STAG2: variants seen among roughly 807,000 people sequenced by gnomAD.
STAG2 encodes the protein STAG2 cohesin complex component.
In STAG2, 14 loss-of-function variants were observed where a neutral mutation model predicts 108.1. That is an observed-to-expected ratio of 0.13 (90% confidence interval 0.09 to 0.20). The LOEUF is 0.20. Ranked by LOEUF, STAG2 falls within the 10% of genes least tolerant of loss-of-function variation. The probability of loss-of-function intolerance (pLI) is 1.00; values close to 1 mark genes in which losing one functional copy is unlikely to be tolerated. For synonymous variants in STAG2, 307 were observed against 302.7 expected, an observed-to-expected ratio of 1.01 and a Z score of -0.15; for missense variants, 440 against 940.9, an observed-to-expected ratio of 0.47 and a Z score of 6.96.
rs1269446242 is a variant in STAG2 at position 124,081,487 on chromosome X, T to G, written c.2883T>G (p.Leu961=). 2 of 1,195,712 alleles carry G rather than the reference T, an allele frequency of 1.7e-6. No individual in the cohort carries two copies. The highest frequency in any genetic ancestry group is 2.3e-6 in the Non-Finnish European group (2 of 888,103). ...GACGTTTTGCTTTAACTTTTGGACT[T>G]GATCAGTTGAAAACAAGAGAAGCCA... ...LARRFALTFG[L]DQLKTREAIA... Residue 961 remains leucine, a synonymous_variant, in exon 28 of 35, where the codon CTT becomes CTG. Coordinates refer to ENST00000371145, the MANE Select transcript of STAG2 (RefSeq NM_001042750.2).
chrX:124,025,369 C>T (rs968087369), intron 3 of STAG2, among the ~76,000 whole-genome samples: 9 of 111,508 alleles, frequency 8.1e-5, no homozygotes, highest in Middle Eastern at 4.6e-3. Flanking sequence ...TGTATATTGA[C>T]TCACCTAGAT....
At chrX:124,090,809 C>A (rs1041563711) in intron 31 of STAG2, 45 bp downstream of exon 31, 1 of 1,198,601 alleles carries the variant, frequency 8.3e-7, no homozygotes, top group Middle Eastern at 2.3e-4. Context: ...TTATTAATTA[C>A]ATAGAAAAAG....
At chrX:124,009,427 G>GA (rs1569501811) in intron 1 of STAG2, among the ~76,000 whole-genome samples, 7 of 66,699 alleles carry the variant, frequency 1.0e-4, no homozygotes, top group Non-Finnish European at 2.0e-4. Flanking sequence ...AGGTAGGTAG[G>GA]TAGGTAGGTA....
chrX:124,054,425 A>G (rs1326068654), intron 13 of STAG2, among the ~76,000 whole-genome samples: 2 of 112,110 alleles, frequency 1.8e-5, no homozygotes, highest in African/African-American at 6.5e-5. Context: ...GAATTTCTTG[A>G]GCAGTCTGTT....
intron 33 of STAG2, 69 bp from the exon 34 acceptor site, chrX:124,095,303 A>G: frequency 2.3e-6 from 2 of 868,612 alleles, no homozygotes; most frequent in Non-Finnish European, 3.4e-6. Context: ...GAACTTGGAT[A>G]TTTTCAGTTA....
At chrX:124,085,773 CAAAAA>C (rs35882500) in intron 29 of STAG2, among the ~76,000 whole-genome samples, 2 of 42,158 alleles carry the variant, frequency 4.7e-5, no homozygotes, top group Admixed American at 3.2e-4. Flanking sequence ...GACTGTGTCT[CAAAAA>C]AAAAAAAAAA....
At chrX:124,097,719 G>A (rs1210811000) in intron 34 of STAG2, 4 of 335,474 alleles carry the variant, frequency 1.2e-5, no homozygotes, top group African/African-American at 2.6e-5. Flanking sequence ...TCATACCATA[G>A]CAAGCTGAGA....
At chrX:124,043,498 C>T (rs2057785443) in intron 7 of STAG2, among the ~76,000 whole-genome samples, 3 of 111,509 alleles carry the variant, frequency 2.7e-5, no homozygotes, top group Admixed American at 9.5e-5. Context: ...TAGTACTTTA[C>T]TCATAAGGCT....
chrX:123,977,983 C>T (rs893854291), intron 1 of STAG2, among the ~76,000 whole-genome samples: 2 of 106,998 alleles, frequency 1.9e-5, no homozygotes, highest in African/African-American at 6.8e-5. Context: ...ACTGGGACTA[C>T]AGGTGCATGC....
At chrX:123,977,413 T>C (rs1569490737) in intron 1 of STAG2, among the ~76,000 whole-genome samples, 1 of 109,531 alleles carries the variant, frequency 9.1e-6, no homozygotes, top group Non-Finnish European at 1.9e-5. Flanking sequence ...GTGTTTTGGT[T>C]TTCATATTCC....
At chrX:123,980,316 G>A (rs1279731401) in intron 1 of STAG2, among the ~76,000 whole-genome samples, 1 of 110,777 alleles carries the variant, frequency 9.0e-6, no homozygotes, top group Non-Finnish European at 1.9e-5. Flanking sequence ...GAGGGTCAGA[G>A]GTGAAAACAT....
rs2055319934 is a variant in STAG2, at chrX:123,988,935, C to G, written c.-163+27079C>G. On this transcript the variant is annotated intron_variant, in intron 1 of 34. Transcript: ENST00000371145. ...ATTCTCTCTGTGTGTCTCTGTCTAT[C>G]TGTGTGTGTCTTGCCTGTCTCTCCC... Among the ~76,000 whole-genome samples, 5 of 111,393 alleles carry G rather than the reference C, an allele frequency of 4.5e-5. No homozygotes were observed. In the South Asian group the frequency reaches 1.9e-3, roughly 43 times the overall value.
intron 1 of STAG2, among the ~76,000 whole-genome samples, chrX:123,980,794 G>A (rs1263717100): frequency 8.9e-6 from 1 of 112,129 alleles, no homozygotes; most frequent in African/African-American, 3.2e-5. Flanking sequence ...ACTTAAATAT[G>A]CAAATAGTAT....
At chrX:124,016,742 A>G (rs756920888) in intron 1 of STAG2, among the ~76,000 whole-genome samples, 1 of 111,687 alleles carries the variant, frequency 9.0e-6, no homozygotes, top group South Asian at 3.7e-4. Context: ...TGAGGTGGAC[A>G]GATTGCTTGA....
rs1569501980 is a variant in STAG2 at position 124,009,437 on chromosome X, AGGTAGG to A, written c.-162-11929_-162-11924del. Among the ~76,000 whole-genome samples the A allele has an allele frequency of 8.6e-3, 768 of 89,011 alleles. 9 individuals are homozygous for A. Among genetic ancestry groups the A allele is most frequent in the Middle Eastern group, 0.025 (4 of 161 alleles). The allele number at this position is 89,011 out of a possible 115,157, so 77.3% of individuals were successfully genotyped here. On this transcript the variant is annotated intron_variant, in intron 1 of 34. Transcript: ENST00000371145. ...TAGGTAGGTAGGTAGGTAGGTAGGT[AGGTAGG>A]TAGATAGATAGATAGATAGATAGAT...
chrX:124,013,278 A>G (rs973162385), intron 1 of STAG2, among the ~76,000 whole-genome samples: 6 of 109,853 alleles, frequency 5.5e-5, no homozygotes, highest in Non-Finnish European at 9.5e-5. Flanking sequence ...TCACAAAGTT[A>G]TGTTAATAAG....
At chrX:124,050,634 TAAAAA>T (rs59817792) in intron 11 of STAG2, among the ~76,000 whole-genome samples, 1 of 108,730 alleles carries the variant, frequency 9.2e-6, no homozygotes, top group African/African-American at 3.3e-5. Flanking sequence ...GCTATATACT[TAAAAA>T]AAAAATTATT....
chrX:124,075,986 G>T (rs1423972381), intron 25 of STAG2, among the ~76,000 whole-genome samples: 22 of 111,537 alleles, frequency 2.0e-4, no homozygotes, highest in Non-Finnish European at 3.2e-4. Flanking sequence ...GGTTGGCAGT[G>T]TTCAGGAACG....
At chrX:123,976,255 C>A (rs1013426257) in intron 1 of STAG2, among the ~76,000 whole-genome samples, 2 of 111,415 alleles carry the variant, frequency 1.8e-5, no homozygotes, top group African/African-American at 6.5e-5. Flanking sequence ...ACCTGGGTGA[C>A]AGTAGTGACC....
Sources: gnomAD v4.1 joint callset for allele counts (sites outside exome capture counted in the v4.1 genomes callset) on GRCh38, gnomAD v4.1.1 for gene constraint, MANE v1.5 for transcripts, NCBI Gene and HGNC (gene_info 2026-07-23, HGNC 2026-07-21) for gene names.